SNX29: variants seen among roughly 807,000 people sequenced by gnomAD.
The protein encoded by SNX29 is sorting nexin-29.
A neutral mutation model predicts 102.1 loss-of-function variants in SNX29; 78 were observed. The observed-to-expected ratio is 0.76, with a 90% CI of 0.64 to 0.92. The LOEUF is 0.92. Ranked by LOEUF, SNX29 falls within the 40% of genes least tolerant of loss-of-function variation. SNX29 has a pLI of 0.00. For synonymous variants in SNX29, 580 were observed against 414.5 expected (o/e 1.40, Z -4.85); for missense variants, 1,280 against 1,061.7 (o/e 1.21, Z -2.86).
At chr16:12,033,397 C>T (rs1479564607) in intron 4 of SNX29, among the ~76,000 whole-genome samples, 1 of 152,022 alleles carries the variant, frequency 6.6e-6, no homozygotes, top group Non-Finnish European at 1.5e-5. Flanking sequence ...GCCACCGTGC[C>T]TGGCCTCCTT....
chr16:12,292,015 A>G (rs1269447439), intron 15 of SNX29, among the ~76,000 whole-genome samples: 1 of 152,228 alleles, frequency 6.6e-6, no homozygotes, highest in Non-Finnish European at 1.5e-5. Flanking sequence ...CAATCAGTGA[A>G]TCAAAAGAAG....
intron 14 of SNX29, among the ~76,000 whole-genome samples, chr16:12,242,579 TTTCTTCTTCTCTTCTTCTTCTC>T (rs1201913775): frequency 1.3e-5 from 2 of 149,638 alleles, no homozygotes; most frequent in Non-Finnish European, 3.0e-5. Flanking sequence ...TTCTTCTTCT[TTTCTTCTTCTCTTCTTCTTCTC>T]TTCTTCTTCT....
chr16:12,077,447 A>C (rs2151332531), intron 10 of SNX29, among the ~76,000 whole-genome samples: 1 of 146,864 alleles, frequency 6.8e-6, no homozygotes, highest in Admixed American at 6.8e-5. Context: ...TAACCATGTG[A>C]TGACCGTGCT....
rs534968627 is a variant in SNX29, at chr16:12,337,257, A to AT, written c.1783-18894dup. Among the ~76,000 whole-genome samples, 411 of 147,934 alleles carry AT rather than the reference A, an allele frequency of 2.8e-3. 2 individuals carry two copies. Among genetic ancestry groups the AT allele is most frequent in the Middle Eastern group, 7.0e-3 (2 of 286 alleles). ...ACAGTTGCTGGAGATAGGTATATTAATTTTTTTTTTTTACTTAGCTATATT... is the reference window on the plus strand; with the variant it reads ...ACAGTTGCTGGAGATAGGTATATTAATTTTTTTTTTTTTACTTAGCTATATT... On this transcript the variant is annotated intron_variant, in intron 15 of 20. Coordinates refer to ENST00000566228, the MANE Select transcript of SNX29 (RefSeq NM_032167.5).
chr16:12,017,774 G>A (rs1253535377), intron 3 of SNX29, among the ~76,000 whole-genome samples: 2 of 151,314 alleles, frequency 1.3e-5, no homozygotes, highest in Non-Finnish European at 2.9e-5. Flanking sequence ...TTTTTTTTCA[G>A]CTGCATGATC....
chr16:12,497,646 C>G (rs1205099071), intron 19 of SNX29, among the ~76,000 whole-genome samples: 1 of 152,160 alleles, frequency 6.6e-6, no homozygotes, highest in African/African-American at 2.4e-5. Flanking sequence ...TCAGCTGAGT[C>G]TTGCCTGTTG....
chr16:12,350,849 A>G (rs190572395), intron 15 of SNX29, among the ~76,000 whole-genome samples: 1 of 152,268 alleles, frequency 6.6e-6, no homozygotes, highest in Admixed American at 6.5e-5. Flanking sequence ...AGGGGCCAAG[A>G]CCCAGAAATC....
intron 1 of SNX29, 146 bp downstream of exon 1, chr16:11,976,959 A>T: frequency 9.2e-7 from 1 of 1,087,730 alleles, no homozygotes; most frequent in Non-Finnish European, 1.2e-6. Context: ...CCTGGCCCCC[A>T]GGACTCCCGG....
chr16:12,448,079 C>T (rs2086143895), intron 18 of SNX29, among the ~76,000 whole-genome samples: 1 of 152,182 alleles, frequency 6.6e-6, no homozygotes, highest in Admixed American at 6.5e-5. Context: ...CTCGCAGTGG[C>T]CCCACCAGGG....
chr16:12,559,282 C>G (rs1192843559), intron 20 of SNX29, among the ~76,000 whole-genome samples: 4 of 152,086 alleles, frequency 2.6e-5, no homozygotes, highest in African/African-American at 9.7e-5. Context: ...AGCAGCAGCA[C>G]TGCATTCTGA....
intron 19 of SNX29, among the ~76,000 whole-genome samples, chr16:12,502,355 G>C (rs886535298): frequency 6.6e-6 from 1 of 152,160 alleles, no homozygotes; most frequent in Non-Finnish European, 1.5e-5. Flanking sequence ...TCCCTTACGA[G>C]GGCGCTGTGA....
intron 20 of SNX29, chr16:12,560,815 A>AGC (rs2078684365): frequency 5.6e-6 from 1 of 179,340 alleles, no homozygotes; most frequent in Non-Finnish European, 1.2e-5. Flanking sequence ...TGGTAATTAC[A>AGC]GCACCCATTT....
chr16:12,529,819 G>T (rs1330255786), intron 20 of SNX29, among the ~76,000 whole-genome samples: 2 of 152,194 alleles, frequency 1.3e-5, no homozygotes, highest in Non-Finnish European at 2.9e-5. Context: ...ACTGCCAGGG[G>T]TCACTTGAAC....
chr16:12,030,171 C>T (rs1184368537), intron 4 of SNX29, among the ~76,000 whole-genome samples: 1 of 152,180 alleles, frequency 6.6e-6, no homozygotes, highest in Non-Finnish European at 1.5e-5. Context: ...CACTTCCATA[C>T]CCTCAAATAT....
intron 19 of SNX29, among the ~76,000 whole-genome samples, chr16:12,519,770 C>T (rs1274007544): frequency 6.6e-6 from 1 of 151,998 alleles, no homozygotes; most frequent in Non-Finnish European, 1.5e-5. Flanking sequence ...AGGTGGATCA[C>T]CTGAGGGCAG....
At chr16:12,428,740 A>T (rs894107752) in intron 18 of SNX29, among the ~76,000 whole-genome samples, 7 of 152,196 alleles carry the variant, frequency 4.6e-5, no homozygotes, top group Non-Finnish European at 7.3e-5. Context: ...CACCACATAG[A>T]TACTATTGCA....
chr16:12,478,084 G>A lies in SNX29; in HGVS notation c.2178+225G>A, dbSNP rs530287370. Among the ~76,000 whole-genome samples, 62 of 152,340 alleles carry A rather than the reference G, an allele frequency of 4.1e-4. 2 individuals carry two copies. The highest frequency in any genetic ancestry group is 1.0e-3 in the South Asian group (5 of 4,820). ...ATGTCCTCTTATTTCTCTAGGGCAAGAAGTTGGAAAACTTTTTCTTTAAAG... is the reference window on the plus strand; with the variant it reads ...ATGTCCTCTTATTTCTCTAGGGCAAAAAGTTGGAAAACTTTTTCTTTAAAG... On this transcript the variant is annotated intron_variant, in intron 19 of 20. Transcript: ENST00000566228.
chr16:12,438,256 G>T (rs180680583), intron 18 of SNX29, among the ~76,000 whole-genome samples: 4 of 152,150 alleles, frequency 2.6e-5, no homozygotes, highest in Non-Finnish European at 5.9e-5. Context: ...CACTGCAGGC[G>T]TCCCAGCCCC....
intron 16 of SNX29, among the ~76,000 whole-genome samples, chr16:12,388,957 C>T (rs1043784184): frequency 6.6e-6 from 1 of 152,210 alleles, no homozygotes; most frequent in Non-Finnish European, 1.5e-5. Context: ...GTATCTAAAT[C>T]TGCTCCTGCC....
Sources: gnomAD v4.1 joint callset for allele counts (sites outside exome capture counted in the v4.1 genomes callset) on GRCh38, gnomAD v4.1.1 for gene constraint, MANE v1.5 for transcripts, NCBI Gene and HGNC (gene_info 2026-07-23, HGNC 2026-07-21) for gene names.